Variants in KDM5B observed in about 807,000 individuals in gnomAD.
KDM5B encodes lysine demethylase 5B, also known as lysine-specific demethylase 5B.
A neutral mutation model predicts 193.4 loss-of-function variants in KDM5B; 144 were observed. The observed-to-expected ratio is 0.74, with a 90% CI of 0.65 to 0.86. The LOEUF (loss-of-function observed/expected upper bound fraction) is 0.86, where lower values mean the gene tolerates loss of function less well. KDM5B is among the 40% of genes least tolerant of loss of function. The pLI is 0.00. For missense variants in KDM5B, 1,833 were observed against 1,886.9 expected, an observed-to-expected ratio of 0.97 and a Z score of 0.53; for synonymous variants, 668 against 682.6, an observed-to-expected ratio of 0.98 and a Z score of 0.33.
chr1:202,762,646 G>A, intron 7 of KDM5B, 53 bp downstream of exon 7: 3 of 1,022,104 alleles, frequency 2.9e-6, no homozygotes, highest in Non-Finnish European at 4.7e-6. Context: ...TTAAAGAAAG[G>A]AAGGGAAGAA....
Position 202,764,085 on chromosome 1 carries a change from G to T in KDM5B, c.772C>A (p.Arg258Ser). Residue 258 changes from arginine (R) to serine (S), a missense_variant, in exon 6 of 27, where the codon CGT (arginine) becomes AGT (serine). Transcript: ENST00000367265. ...TTTGGAGTTGGACAACCCATTCGAC[G>T]TCTCAGATTATGAGTTCTGGCTTCC... ...TTEARTHNLR[R>S]RMGCPTPKCE... is the part of the protein sequence containing the mutation. 1 of 1,582,086 alleles carries T rather than the reference G, an allele frequency of 6.3e-7. No individual in the cohort carries two copies.
chr1:202,739,791 G>A (rs1452166998), intron 20 of KDM5B, among the ~76,000 whole-genome samples: 5 of 152,172 alleles, frequency 3.3e-5, no homozygotes, highest in African/African-American at 1.2e-4. Context: ...AGGGTTGGGG[G>A]TAAGGTCACC....
intron 1 of KDM5B, among the ~76,000 whole-genome samples, chr1:202,780,451 A>G (rs1393100149): frequency 1.3e-5 from 2 of 152,012 alleles, no homozygotes; most frequent in Non-Finnish European, 2.9e-5. Context: ...AAGCCTCCCA[A>G]AGTGCTGGGA....
At chr1:202,801,624 T>TTTACAA (rs1553364578) in intron 1 of KDM5B, among the ~76,000 whole-genome samples, 1 of 46,258 alleles carries the variant, frequency 2.2e-5, no homozygotes, top group Non-Finnish European at 6.7e-5. Flanking sequence ...TTTCATTTAA[T>TTTACAA]TTTTATTTAC....
At chr1:202,772,002 G>C (rs1004708982) in intron 4 of KDM5B, among the ~76,000 whole-genome samples, 4 of 152,160 alleles carry the variant, frequency 2.6e-5, no homozygotes, top group Non-Finnish European at 5.9e-5. Flanking sequence ...TGTTCACCTG[G>C]AATCAATAAG....
Position 202,763,575 on chromosome 1 carries a change from T to C in KDM5B, c.808+474A>G, listed in dbSNP as rs142884442. On this transcript the variant is annotated intron_variant, in intron 6 of 26. Transcript: ENST00000367265. ...TGTGCCTCCTATATAGGATATAAGA[T>C]TTCTCTTAAAAGAATCTCAAATCCA... is the stretch of plus-strand genomic sequence containing the variant. Among the ~76,000 whole-genome samples, 3 of 152,270 alleles carry C rather than the reference T, an allele frequency of 2.0e-5. No homozygotes were observed. In the East Asian group the frequency reaches 5.8e-4, roughly 29 times the overall value.
intron 9 of KDM5B, among the ~76,000 whole-genome samples, chr1:202,757,100 G>C (rs1397619265): frequency 6.6e-6 from 1 of 152,198 alleles, no homozygotes; most frequent in East Asian, 1.9e-4. Flanking sequence ...GGGAGGTGGG[G>C]GGGGGATTAG....
At chr1:202,807,740 A>G (rs1658364909) in intron 1 of KDM5B, among the ~76,000 whole-genome samples, 1 of 129,068 alleles carries the variant, frequency 7.7e-6, no homozygotes, top group Non-Finnish European at 1.6e-5. Context: ...TCCTCCCTCC[A>G]GCCCGCGCCT....
At chr1:202,777,514 G>T (rs1319137970) in intron 1 of KDM5B, among the ~76,000 whole-genome samples, 5 of 141,382 alleles carry the variant, frequency 3.5e-5, no homozygotes, top group Admixed American at 6.8e-5. Flanking sequence ...TTTTTTTTGA[G>T]ATAAGGTTTC....
intron 24 of KDM5B, among the ~76,000 whole-genome samples, chr1:202,731,564 C>T (rs1437829482): frequency 6.6e-6 from 1 of 152,208 alleles, no homozygotes; most frequent in Non-Finnish European, 1.5e-5. Context: ...TAGCATCTGA[C>T]TTAAAAGCTT....
intron 9 of KDM5B, among the ~76,000 whole-genome samples, chr1:202,757,822 G>C (rs531898093): frequency 6.6e-6 from 1 of 152,160 alleles, no homozygotes; most frequent in Non-Finnish European, 1.5e-5. Flanking sequence ...ATGCATAAAG[G>C]GTTTGCTGCA....
In KDM5B at chr1:202,726,809, G is replaced by A. The variant is rs971309301; in HGVS notation, c.*2227C>T. On this transcript the variant is annotated 3_prime_UTR_variant, in exon 27 of 27. Coordinates refer to ENST00000367265, the MANE Select transcript of KDM5B (RefSeq NM_006618.5). Reference sequence around the variant, plus strand: ...AACGTTATCTGTGTTCATTAGTAGTGTGATGGTGTACAAGGTAGGAGGAAT... The same window carrying A: ...AACGTTATCTGTGTTCATTAGTAGTATGATGGTGTACAAGGTAGGAGGAAT... The A allele has an allele frequency of 1.3e-5, 2 of 152,230 alleles. No homozygotes were observed. Among genetic ancestry groups the A allele is most frequent in the Non-Finnish European group, 2.9e-5 (2 of 68,064 alleles). 9.4% of individuals were successfully genotyped at this position (152,230 alleles called of 1,614,324 possible).
At position 202,731,006 on chromosome 1, in the gene KDM5B, A is replaced by G. The variant is rs758512040; in HGVS notation, c.4079T>C (p.Leu1360Pro). ...CTGGTAAAGTTCCTGAATTTCAGGA[A>G]GGGATACCTGGAGCAGCTGGGCTTC... ...LMEAQLLQVS[L>P]PEIQELYQTL... Residue 1360 changes from leucine (L) to proline (P), a missense_variant, in exon 25 of 27, where the codon CTT becomes CCT. Physicochemically the swap from Leu to Pro is moderately conservative, Grantham distance 98. Coordinates refer to ENST00000367265, the MANE Select transcript of KDM5B (RefSeq NM_006618.5). 6.8e-6 allele frequency: 11 copies of G among 1,613,900 alleles called. No homozygotes were observed. The highest frequency in any genetic ancestry group is 9.3e-6 in the Non-Finnish European group (11 of 1,179,842).
intron 1 of KDM5B, among the ~76,000 whole-genome samples, chr1:202,794,553 G>A (rs942141406): frequency 2.6e-5 from 4 of 152,182 alleles, no homozygotes; most frequent in Non-Finnish European, 5.9e-5. Flanking sequence ...ACATAGCTGG[G>A]AAAAGAAATC....
intron 4 of KDM5B, among the ~76,000 whole-genome samples, chr1:202,772,316 CA>C (rs1656753139): frequency 1.3e-5 from 2 of 152,136 alleles, no homozygotes; most frequent in African/African-American, 2.4e-5. Context: ...AATAATTTCA[CA>C]AATACCATTT....
chr1:202,766,640 C>T, intron 5 of KDM5B: 1 of 477,020 alleles, frequency 2.1e-6, no homozygotes, highest in South Asian at 2.2e-5. Flanking sequence ...GGGTAATGGG[C>T]AATCCAAGTA....
chr1:202,795,326 C>A (rs1474900315), intron 1 of KDM5B, among the ~76,000 whole-genome samples: 1 of 152,044 alleles, frequency 6.6e-6, no homozygotes, highest in Admixed American at 6.6e-5. Flanking sequence ...TTGACAAATT[C>A]TATCCGTGGT....
chr1:202,801,892 G>A lies in KDM5B; in HGVS notation c.204+6210C>T, dbSNP rs371594790. Reference sequence around the variant, plus strand: ...CCCACTCACCCCAAAGAGACTTGTCGGTACGCCCTCTGGTGAGTCCCCTTC... The same window carrying A: ...CCCACTCACCCCAAAGAGACTTGTCAGTACGCCCTCTGGTGAGTCCCCTTC... On this transcript the variant is annotated intron_variant, in intron 1 of 26. Coordinates refer to ENST00000367265, the MANE Select transcript of KDM5B (RefSeq NM_006618.5). Among the ~76,000 whole-genome samples the A allele has an allele frequency of 1.5e-4, 23 of 151,976 alleles. 1 individual carries two copies. The highest frequency in any genetic ancestry group is 6.5e-4 in the Admixed American group (10 of 15,272).
At chr1:202,800,342 AT>A (rs2102346356) in intron 1 of KDM5B, among the ~76,000 whole-genome samples, 1 of 147,518 alleles carries the variant, frequency 6.8e-6, no homozygotes, top group South Asian at 2.2e-4. Context: ...GCACCCAGCC[AT>A]TTTGTTTTGT....
Sources: gnomAD v4.1 joint callset for allele counts (sites outside exome capture counted in the v4.1 genomes callset) on GRCh38, gnomAD v4.1.1 for gene constraint, MANE v1.5 for transcripts, NCBI Gene and HGNC (gene_info 2026-07-23, HGNC 2026-07-21) for gene names.